RYR2: variants seen among roughly 807,000 people sequenced by gnomAD.
RYR2 encodes the protein ryanodine receptor 2, also known as cardiac muscle ryanodine receptor-calcium release channel.
In RYR2, 227 loss-of-function variants were observed where a neutral mutation model predicts 601.1. The observed-to-expected ratio is 0.38, with a 90% CI of 0.34 to 0.42. The LOEUF is 0.42. RYR2 is among the 10% of genes least tolerant of loss of function. RYR2 has a pLI of 1.00. For synonymous variants in RYR2, 2,223 were observed against 2,175.1 expected, an observed-to-expected ratio of 1.02 and a Z score of -0.61; for missense variants, 4,646 against 6,156.5, an observed-to-expected ratio of 0.75 and a Z score of 8.21.
chr1:237,738,762 CTT>C (rs1334808829), intron 79 of RYR2, among the ~76,000 whole-genome samples: 2 of 151,956 alleles, frequency 1.3e-5, no homozygotes, highest in Non-Finnish European at 2.9e-5. Flanking sequence ...CGTTGATAGA[CTT>C]TTGTATCACC....
intron 1 of RYR2, among the ~76,000 whole-genome samples, chr1:237,249,061 G>A (rs961828409): frequency 2.0e-5 from 3 of 152,018 alleles, no homozygotes; most frequent in South Asian, 2.1e-4. Context: ...CATTGCGCCC[G>A]GCCGAACAAA....
intron 12 of RYR2, among the ~76,000 whole-genome samples, chr1:237,424,705 T>A (rs947410197): frequency 1.1e-4 from 16 of 152,368 alleles, no homozygotes; most frequent in African/African-American, 3.6e-4. Context: ...AATGATTATT[T>A]CCTATTTAGG....
At chr1:237,546,976 C>CAT (rs558814390) in intron 25 of RYR2, among the ~76,000 whole-genome samples, 1,055 of 97,466 alleles carry the variant, frequency 0.011, 25 homozygotes, top group African/African-American at 0.023. Flanking sequence ...TTTTCAAAAG[C>CAT]ATATATATAT....
At chr1:237,817,440 C>T (rs1661957825) in intron 100 of RYR2, among the ~76,000 whole-genome samples, 1 of 152,132 alleles carries the variant, frequency 6.6e-6, no homozygotes, top group Non-Finnish European at 1.5e-5. Context: ...GAGGACTTAC[C>T]ATGTGCTGGA....
At chr1:237,764,134 C>G (rs6668208) in intron 84 of RYR2, among the ~76,000 whole-genome samples, 1 of 152,006 alleles carries the variant, frequency 6.6e-6, no homozygotes, top group African/African-American at 2.4e-5. Context: ...CCATGGAAAA[C>G]GTATAAGCTC....
At chr1:237,528,333 G>A (rs149242656) in intron 24 of RYR2, among the ~76,000 whole-genome samples, 2,144 of 152,146 alleles carry the variant, frequency 0.014, 28 homozygotes, top group Middle Eastern at 0.048. Context: ...TAATTCATAT[G>A]TTAAATTTTA....
intron 4 of RYR2, 137 bp downstream of exon 4, chr1:237,356,122 CAT>C (rs1234864680): frequency 3.0e-5 from 22 of 739,172 alleles, no homozygotes; most frequent in South Asian, 1.4e-4. Flanking sequence ...GTAATGAACA[CAT>C]GTTTTACAGG....
In RYR2 at chr1:237,610,964, C is replaced by T. The variant is rs763623545; in HGVS notation, c.4886C>T (p.Ser1629Phe). ...VQCLDPLQFM[S>F]LHIPEENRSV... ...TGTTTGGATCCTCTGCAGTTCATGTCTCTTCATATCCCTGAGGAAAACAGG... is the reference window on the plus strand; with the variant it reads ...TGTTTGGATCCTCTGCAGTTCATGTTTCTTCATATCCCTGAGGAAAACAGG... The change falls in exon 36 of 105, where the codon TCT (serine) becomes TTT (phenylalanine). Residue 1629 changes from serine (S) to phenylalanine (F), a missense_variant. By Grantham distance (155) the Ser-to-Phe change is radical. Around this residue, in one of 17 missense-constraint regions of RYR2, gnomAD observed 1,807 missense variants for 2,088.1 expected, o/e 0.87. Coordinates refer to ENST00000366574, the MANE Select transcript of RYR2 (RefSeq NM_001035.3). This position sits in a 1 kb window ranked among gnomAD's most constrained non-coding sequence, Gnocchi z 4.9. 1.2e-6 allele frequency: 2 copies of T among 1,612,896 alleles called. No homozygotes were observed. Among genetic ancestry groups the T allele is most frequent in the Non-Finnish European group, 1.7e-6 (2 of 1,179,468 alleles).
rs751173091 is a variant in RYR2 at position 237,445,545 on chromosome 1, AGTTGTT to A, written c.1292+24_1292+29del. On this transcript the variant is annotated intron_variant, in intron 14 of 104. Coordinates refer to ENST00000366574, the MANE Select transcript of RYR2 (RefSeq NM_001035.3). Reference sequence around the variant, plus strand: ...AAGGTACTTTTTCTTTTGTAGGCGTAGTTGTTTGATACTTCATTTTCATTTCTTTAT... The same window carrying A: ...AAGGTACTTTTTCTTTTGTAGGCGTATGATACTTCATTTTCATTTCTTTAT... 115 of 1,612,174 alleles carry A rather than the reference AGTTGTT, an allele frequency of 7.1e-5. 1 individual carries two copies. The South Asian group carries it at 1.1e-3, about 15-fold the overall frequency.
Position 237,126,646 on chromosome 1 carries a change from A to T in RYR2, c.48+84077A>T, listed in dbSNP as rs1378882679. On this transcript the variant is annotated intron_variant, in intron 1 of 104. Coordinates refer to ENST00000366574, the MANE Select transcript of RYR2 (RefSeq NM_001035.3). The stretch of plus-strand genomic sequence containing the variant: ...ATGCCTACTCCTCCTTTTTCCCTTC[A>T]TCCTTCCTAGGTATTTCTCCCAGAA... 2.6e-5 allele frequency among the ~76,000 whole-genome samples: 4 copies of T among 151,888 alleles called. 1 individual carries two copies. The highest frequency in any genetic ancestry group is 9.7e-5 in the African/African-American group (4 of 41,326).
At chr1:237,602,926 C>G (rs967828236) in intron 35 of RYR2, among the ~76,000 whole-genome samples, 12 of 152,104 alleles carry the variant, frequency 7.9e-5, no homozygotes, top group Admixed American at 5.9e-4. Flanking sequence ...TTGATACTGT[C>G]TACATGGAAG....
At chr1:237,462,093 CAT>C (rs1659549070) in intron 16 of RYR2, among the ~76,000 whole-genome samples, 1 of 152,104 alleles carries the variant, frequency 6.6e-6, no homozygotes, top group Non-Finnish European at 1.5e-5. Flanking sequence ...TCCTGTAAGA[CAT>C]GTGTATCTAC....
chr1:237,280,275 T>C (rs1052394657), intron 2 of RYR2, among the ~76,000 whole-genome samples: 2 of 152,206 alleles, frequency 1.3e-5, no homozygotes, highest in African/African-American at 4.8e-5. Context: ...ACTTCATATA[T>C]AGTTTATGAA....
At chr1:237,202,981 C>T (rs748815628) in intron 1 of RYR2, among the ~76,000 whole-genome samples, 1 of 152,110 alleles carries the variant, frequency 6.6e-6, no homozygotes, top group South Asian at 2.1e-4. Context: ...AAAAGATAAC[C>T]TGTTTGCCAT....
rs376898024 is a variant in RYR2, at chr1:237,611,026, G to A, written c.4910+38G>A. The A allele has an allele frequency of 5.8e-6, 9 of 1,564,874 alleles. No homozygotes were observed. In the African/African-American group the frequency reaches 8.1e-5, roughly 14 times the overall value. On this transcript the variant is annotated intron_variant, in intron 36 of 104. Coordinates refer to ENST00000366574, the MANE Select transcript of RYR2 (RefSeq NM_001035.3). ...GAATCCCTGACATTCTGATTGGGAC[G>A]CTTGGGATTAGCCTGCTGCCCGGGG...
intron 3 of RYR2, among the ~76,000 whole-genome samples, chr1:237,337,830 AG>A (rs1269575667): frequency 2.6e-5 from 4 of 152,210 alleles, no homozygotes; most frequent in African/African-American, 7.2e-5. Context: ...CCCTAGCTAT[AG>A]TTGCTCTATG....
intron 2 of RYR2, among the ~76,000 whole-genome samples, chr1:237,279,168 G>A (rs971853106): frequency 3.3e-5 from 5 of 152,008 alleles, no homozygotes; most frequent in African/African-American, 4.8e-5. Context: ...TAAGAAAAGC[G>A]GGCTAAATAA....
chr1:237,666,216 C>CAAA (rs1684313886), intron 56 of RYR2, among the ~76,000 whole-genome samples: 1 of 152,116 alleles, frequency 6.6e-6, no homozygotes, highest in African/African-American at 2.4e-5. Flanking sequence ...GTAAGAAACT[C>CAAA]AAAAATGTAA....
chr1:237,350,673 G>A (rs1488930548), intron 3 of RYR2, among the ~76,000 whole-genome samples: 1 of 131,590 alleles, frequency 7.6e-6, no homozygotes, highest in Non-Finnish European at 1.6e-5. Context: ...AGAAAGTATT[G>A]CGAGAAATCA....
Sources: gnomAD v4.1 joint callset for allele counts (sites outside exome capture counted in the v4.1 genomes callset) on GRCh38, gnomAD v4.1.1 for gene constraint, gnomAD v4.1.1 regional missense constraint, Gnocchi (gnomAD v3.1) non-coding constraint, MANE v1.5 for transcripts, NCBI Gene and HGNC (gene_info 2026-07-23, HGNC 2026-07-21) for gene names.